Variants in GPC5 observed in about 807,000 individuals in gnomAD.
The protein encoded by GPC5 is glypican 5.
A neutral mutation model predicts 53.9 loss-of-function variants in GPC5; 47 were observed. That is an observed-to-expected ratio of 0.87 (90% CI 0.69 to 1.11). The LOEUF (loss-of-function observed/expected upper bound fraction) is 1.11, where lower values mean the gene tolerates loss of function less well. GPC5 is among the 50% of genes most tolerant of loss of function. The probability of loss-of-function intolerance (pLI) is 0.00; values close to 1 mark genes in which losing one functional copy is unlikely to be tolerated. For synonymous variants in GPC5, 286 were observed against 263.3 expected (o/e 1.09, Z -0.84); for missense variants, 748 against 713.1 (o/e 1.05, Z -0.56).
At chr13:92,703,071 TTTA>T in intron 7 of GPC5, among the ~76,000 whole-genome samples, 1 of 150,762 alleles carries the variant, frequency 6.6e-6, no homozygotes, top group African/African-American at 2.4e-5. Context: ...TATTTATTTA[TTTA>T]TTTATTTATT....
chr13:92,740,789 A>T (rs1429052427), intron 7 of GPC5, among the ~76,000 whole-genome samples: 1 of 151,568 alleles, frequency 6.6e-6, no homozygotes, highest in Non-Finnish European at 1.5e-5. Context: ...TTTTTTCTAA[A>T]GCAAGGGGTA....
At chr13:92,268,720 A>G (rs1269003519) in intron 7 of GPC5, among the ~76,000 whole-genome samples, 1 of 130,802 alleles carries the variant, frequency 7.6e-6, no homozygotes, top group Non-Finnish European at 1.6e-5. Context: ...TACCTCATAG[A>G]TTTGGACTGG....
At chr13:92,424,270 T>C (rs1299149305) in intron 7 of GPC5, among the ~76,000 whole-genome samples, 1 of 152,088 alleles carries the variant, frequency 6.6e-6, no homozygotes, top group African/African-American at 2.4e-5. Flanking sequence ...TTTATTCTTC[T>C]TTCCAATTTT....
At chr13:92,331,316 C>G (rs2043286485) in intron 7 of GPC5, among the ~76,000 whole-genome samples, 1 of 152,154 alleles carries the variant, frequency 6.6e-6, no homozygotes, top group Non-Finnish European at 1.5e-5. Flanking sequence ...TCTATCTTCT[C>G]TAAATGAATA....
intron 7 of GPC5, among the ~76,000 whole-genome samples, chr13:92,555,695 AAC>A (rs1362431120): frequency 6.7e-6 from 1 of 149,872 alleles, no homozygotes; most frequent in Non-Finnish European, 1.5e-5. Flanking sequence ...TTAGGATGAA[AAC>A]ACATATTGAA....
At chr13:91,778,308 T>C (rs984067448) in intron 5 of GPC5, among the ~76,000 whole-genome samples, 1 of 152,074 alleles carries the variant, frequency 6.6e-6, no homozygotes, top group Non-Finnish European at 1.5e-5. Context: ...TTGAAGGGAG[T>C]ATACAAGCAA....
chr13:91,856,412 G>A (rs2038967530), intron 5 of GPC5, among the ~76,000 whole-genome samples: 1 of 151,478 alleles, frequency 6.6e-6, no homozygotes, highest in African/African-American at 2.4e-5. Flanking sequence ...TTTCACAAGT[G>A]TGTATTTATT....
At chr13:91,914,121 A>C (rs892857951) in intron 6 of GPC5, among the ~76,000 whole-genome samples, 1 of 152,212 alleles carries the variant, frequency 6.6e-6, no homozygotes, top group Non-Finnish European at 1.5e-5. Flanking sequence ...TTCTGCAGCA[A>C]TTTATCTTTA....
At position 91,870,744 on chromosome 13, in the gene GPC5, A is replaced by T. The variant is rs116344278; in HGVS notation, c.1281-37193A>T. Among the ~76,000 whole-genome samples the T allele has an allele frequency of 2.3e-3, 355 of 152,348 alleles. 1 individual carries two copies. The highest frequency in any genetic ancestry group is 8.2e-3 in the African/African-American group (342 of 41,586). On this transcript the variant is annotated intron_variant, in intron 5 of 7. Transcript: ENST00000377067. ...CAGAAAATGCAGAATGAATTAATATAGCTCTCAGTATATTTGAGTTATTTT... is the reference window on the plus strand; with the variant it reads ...CAGAAAATGCAGAATGAATTAATATTGCTCTCAGTATATTTGAGTTATTTT...
chr13:92,004,512 C>A (rs2040588973), intron 6 of GPC5, among the ~76,000 whole-genome samples: 1 of 122,280 alleles, frequency 8.2e-6, no homozygotes, highest in Admixed American at 9.1e-5. Flanking sequence ...GCTTTTCATG[C>A]AAAGAGTACT....
rs2030639040 is a variant in GPC5, at chr13:91,551,551, A to G, written c.325+102629A>G. On this transcript the variant is annotated intron_variant, in intron 2 of 7. Coordinates refer to ENST00000377067, the MANE Select transcript of GPC5 (RefSeq NM_004466.6). ...TGGTATGTCAGGGATTGATGTGATA[A>G]TTGAGTCGAAAATATGTTAATTTTG... 1.3e-5 allele frequency among the ~76,000 whole-genome samples: 2 copies of G among 152,126 alleles called. 1 individual carries two copies. The highest frequency in any genetic ancestry group is 4.1e-4 in the South Asian group (2 of 4,834).
At chr13:92,291,136 G>A (rs186341059) in intron 7 of GPC5, among the ~76,000 whole-genome samples, 5 of 152,086 alleles carry the variant, frequency 3.3e-5, no homozygotes, top group South Asian at 4.1e-4. Flanking sequence ...CCACTGCTCC[G>A]TGGGCTCCTG....
At position 92,302,228 on chromosome 13, in the gene GPC5, A is replaced by AT. The variant is rs202184868; in HGVS notation, c.1561+157248dup. The stretch of plus-strand genomic sequence containing the variant: ...TTAATTAATATTATACTTAACAGTG[A>AT]TTTTTTTTTCTCTATTATGTTGTTT... On this transcript the variant is annotated intron_variant, in intron 7 of 7. Transcript: ENST00000377067. Among the ~76,000 whole-genome samples the AT allele has an allele frequency of 1.9e-3, 289 of 151,606 alleles. 2 individuals carry two copies. In the South Asian group the frequency reaches 0.027, roughly 14 times the overall value.
At chr13:92,415,970 TGAA>T (rs1274191858) in intron 7 of GPC5, among the ~76,000 whole-genome samples, 1 of 152,140 alleles carries the variant, frequency 6.6e-6, no homozygotes, top group Non-Finnish European at 1.5e-5. Context: ...GATGAAGACA[TGAA>T]GAAAACAAAT....
rs183425303 is a variant in GPC5 at position 91,848,051 on chromosome 13, T to G, written c.1281-59886T>G. Among the ~76,000 whole-genome samples, 8 of 152,292 alleles carry G rather than the reference T, an allele frequency of 5.3e-5. 1 individual carries two copies. The highest frequency in any genetic ancestry group is 1.9e-4 in the African/African-American group (8 of 41,568). On this transcript the variant is annotated intron_variant, in intron 5 of 7. Coordinates refer to ENST00000377067, the MANE Select transcript of GPC5 (RefSeq NM_004466.6). ...ATGTAATTTTCTGTTCTTTCTAAAG[T>G]GATAAAAATCAGTTCACAGTGATGG...
intron 2 of GPC5, among the ~76,000 whole-genome samples, chr13:91,458,692 C>G (rs888403447): frequency 6.6e-6 from 1 of 152,044 alleles, no homozygotes; most frequent in Non-Finnish European, 1.5e-5. Flanking sequence ...CCAGCAATCC[C>G]ACTACTGGAT....
chr13:92,185,574 G>T (rs1479194692), intron 7 of GPC5, among the ~76,000 whole-genome samples: 1 of 151,852 alleles, frequency 6.6e-6, no homozygotes, highest in African/African-American at 2.4e-5. Context: ...ACTTCACAGA[G>T]CTGAGGCTCT....
At chr13:91,830,192 G>C (rs1218176123) in intron 5 of GPC5, among the ~76,000 whole-genome samples, 1 of 152,158 alleles carries the variant, frequency 6.6e-6, no homozygotes, top group East Asian at 1.9e-4. Flanking sequence ...CTTTCCCAGG[G>C]ATGTTTCTTG....
At chr13:91,753,275 G>A (rs2037218743) in intron 4 of GPC5, among the ~76,000 whole-genome samples, 1 of 152,174 alleles carries the variant, frequency 6.6e-6, no homozygotes, top group Admixed American at 6.5e-5. Context: ...GCGAGATAAG[G>A]ATGATCATAA....
Sources: gnomAD v4.1 joint callset for allele counts (sites outside exome capture counted in the v4.1 genomes callset) on GRCh38, gnomAD v4.1.1 for gene constraint, MANE v1.5 for transcripts, NCBI Gene and HGNC (gene_info 2026-07-23, HGNC 2026-07-21) for gene names.